Variants in DEFB124 observed in about 807,000 individuals in gnomAD.
The protein encoded by DEFB124 is beta-defensin 124.
For missense variants in DEFB124, 78 were observed against 83.1 expected (o/e 0.94, Z 0.24); for synonymous variants, 38 against 36.5 (o/e 1.04, Z -0.15).
At chr20:31,466,624 A>ATATATATATATATATATATATATATAT (rs1980091412) in intron 2 of DEFB124, among the ~76,000 whole-genome samples, 1 of 71,922 alleles carries the variant, frequency 1.4e-5, no homozygotes, top group African/African-American at 1.7e-4. Context: ...TATATATATA[A>ATATATATATATATATATATATATATAT]AACCTTATCC....
chr20:31,472,605 C>A, intron 2 of DEFB124: 1 of 244,848 alleles, frequency 4.1e-6, no homozygotes, highest in South Asian at 7.0e-5. Flanking sequence ...TTATCACCAC[C>A]CAACATATGT....
chr20:31,470,294 G>A (rs1283919607), intron 2 of DEFB124, among the ~76,000 whole-genome samples: 1 of 145,496 alleles, frequency 6.9e-6, no homozygotes, highest in African/African-American at 2.6e-5. Flanking sequence ...CGGCTGGCCG[G>A]GCAGAGGGGT....
chr20:31,470,981 G>A (rs1600568397), intron 2 of DEFB124, among the ~76,000 whole-genome samples: 1 of 138,788 alleles, frequency 7.2e-6, no homozygotes, highest in African/African-American at 2.7e-5. Flanking sequence ...CTCACTTCCC[G>A]GACGGGGCGG....
chr20:31,466,274 A>G (rs897032260), intron 2 of DEFB124, among the ~76,000 whole-genome samples: 1 of 152,024 alleles, frequency 6.6e-6, no homozygotes, highest in African/African-American at 2.4e-5. Context: ...TCCCTGCTAT[A>G]CAGGTAAGGA....
chr20:31,466,068 A>C (rs1357459502), intron 2 of DEFB124, among the ~76,000 whole-genome samples: 17 of 152,060 alleles, frequency 1.1e-4, no homozygotes, highest in Non-Finnish European at 8.8e-5. Context: ...GAGGCAGGAG[A>C]ATCACTTGAA....
At position 31,474,631 on chromosome 20, in the gene DEFB124, G is replaced by C. The variant is rs543206346; in HGVS notation, c.-30C>G. ...CTCTTTCCTCCTCCTCCATACCTGG[G>C]AGCATTTTTTTTTTCAGCCATCAGT... On this transcript the variant is annotated 5_prime_UTR_variant, in exon 1 of 3. Transcript: ENST00000317676. Among the ~76,000 whole-genome samples the C allele has an allele frequency of 6.6e-6, 1 of 152,238 alleles. No individual in the cohort carries two copies. Among genetic ancestry groups the C allele is most frequent in the South Asian group, 2.1e-4 (1 of 4,824 alleles).
chr20:31,470,183 G>C (rs1302695207), intron 2 of DEFB124, among the ~76,000 whole-genome samples: 48 of 144,368 alleles, frequency 3.3e-4, no homozygotes, highest in Non-Finnish European at 5.1e-4. Context: ...CTCCCGGACG[G>C]GGCGGCTGGC....
chr20:31,466,469 G>A (rs1274192448), intron 2 of DEFB124, among the ~76,000 whole-genome samples: 3 of 151,676 alleles, frequency 2.0e-5, no homozygotes, highest in East Asian at 1.9e-4. Context: ...GCCTGGTGGC[G>A]GGCACCTGTA....
At chr20:31,472,274 G>C (rs996165952) in intron 2 of DEFB124, among the ~76,000 whole-genome samples, 2 of 152,190 alleles carry the variant, frequency 1.3e-5, no homozygotes, top group Admixed American at 6.5e-5. Context: ...GTGGTGGCGC[G>C]CGCCTGCAAT....
chr20:31,470,580 G>A (rs1485304648), intron 2 of DEFB124, among the ~76,000 whole-genome samples: 13 of 90,538 alleles, frequency 1.4e-4, no homozygotes, highest in East Asian at 2.8e-4. Context: ...CATCCCGGAC[G>A]GGGCGGCTGG....
chr20:31,473,104 T>C (rs976749996), intron 1 of DEFB124, 66 bp from the exon 2 acceptor site: 11 of 1,450,414 alleles, frequency 7.6e-6, no homozygotes, highest in East Asian at 2.3e-5. Context: ...CCAGGCTTTA[T>C]TGAGCTGCAG....
chr20:31,470,966 CG>C (rs1469800395), intron 2 of DEFB124, among the ~76,000 whole-genome samples: 1 of 139,306 alleles, frequency 7.2e-6, no homozygotes, highest in Non-Finnish European at 1.6e-5. Flanking sequence ...TGGGCAGAAG[CG>C]CCCCTCACTT....
At chr20:31,470,676 C>G (rs1980242674) in intron 2 of DEFB124, among the ~76,000 whole-genome samples, 1 of 139,222 alleles carries the variant, frequency 7.2e-6, no homozygotes, top group Non-Finnish European at 1.6e-5. Context: ...CACCTCCCTC[C>G]CGGACAGGGC....
intron 2 of DEFB124, among the ~76,000 whole-genome samples, chr20:31,470,266 C>A (rs1980206850): frequency 6.9e-6 from 1 of 143,954 alleles, no homozygotes; most frequent in Non-Finnish European, 1.5e-5. Flanking sequence ...GACCCCCCCA[C>A]CTCCCTCCCG....
chr20:31,473,048 G>A lies in DEFB124; in HGVS notation c.-25-10C>T, dbSNP rs761789709. On this transcript the variant is annotated splice_polypyrimidine_tract_variant and intron_variant, in intron 1 of 2. Coordinates refer to ENST00000317676, the MANE Select transcript of DEFB124 (RefSeq NM_001037500.2). ...GCTCCTGGGGAGGCTGCTGGAGAGA[G>A]CACAAGAGGAAAGACCCGAGCAGGC... 3 of 1,610,606 alleles carry A rather than the reference G, an allele frequency of 1.9e-6. No homozygotes were observed. The highest frequency in any genetic ancestry group is 2.5e-6 in the Non-Finnish European group (3 of 1,178,786).
At chr20:31,471,836 A>G (rs1980326390) in intron 2 of DEFB124, among the ~76,000 whole-genome samples, 1 of 147,390 alleles carries the variant, frequency 6.8e-6, no homozygotes, top group South Asian at 2.1e-4. Flanking sequence ...CTCACTTCCC[A>G]GATGGGATGG....
chr20:31,470,017 AGG>A (rs1980190630), intron 2 of DEFB124, among the ~76,000 whole-genome samples: 1 of 148,006 alleles, frequency 6.8e-6, no homozygotes, highest in African/African-American at 2.6e-5. Flanking sequence ...ACTTCCCAGT[AGG>A]GGCGGCCGGG....
chr20:31,465,545 T>C lies in DEFB124; in HGVS notation c.177A>G (p.Ala59=). 2 of 1,614,166 alleles carry C rather than the reference T, an allele frequency of 1.2e-6. No homozygotes were observed. The highest frequency in any genetic ancestry group is 1.3e-5 in the African/African-American group (1 of 75,030). Residue 59 remains alanine, a synonymous_variant, in exon 3 of 3, where the codon GCA becomes GCG. Coordinates refer to ENST00000317676, the MANE Select transcript of DEFB124 (RefSeq NM_001037500.2). ...PDASLCCLSY[A]LKPPPVPKHE... is the part of the protein sequence containing the mutation. ...GCTTGGGGACCGGTGGAGGTTTCAA[T>C]GCATAGGAGAGACAGCACAGGGACG...
At chr20:31,470,600 G>T (rs1980231211) in intron 2 of DEFB124, among the ~76,000 whole-genome samples, 1 of 112,392 alleles carries the variant, frequency 8.9e-6, no homozygotes, top group Non-Finnish European at 1.7e-5. Context: ...GCCGGGCGGG[G>T]GGCTGACCCC....
Sources: allele counts gnomAD v4.1 joint callset (sites outside exome capture counted in the v4.1 genomes callset), GRCh38; gene constraint gnomAD v4.1.1; transcripts MANE v1.5; gene names NCBI Gene and HGNC (gene_info 2026-07-23, HGNC 2026-07-21).